The following ITGA7 variants were observed in gnomAD, a reference collection of about 807,000 sequenced individuals.
ITGA7 encodes the protein integrin subunit alpha 7.
In ITGA7, 84 loss-of-function variants were observed where a neutral mutation model predicts 131.6. That is an observed-to-expected ratio of 0.64 (90% CI 0.54 to 0.77). The LOEUF (loss-of-function observed/expected upper bound fraction) is 0.77. Ranked by LOEUF, ITGA7 falls within the 30% of genes least tolerant of loss-of-function variation. The probability of loss-of-function intolerance (pLI) is 0.00; values close to 1 mark genes in which losing one functional copy is unlikely to be tolerated. For missense variants in ITGA7, 1,399 were observed against 1,482.9 expected (o/e 0.94, Z 0.93); for synonymous variants, 548 against 600.7 (o/e 0.91, Z 1.28).
chr12:55,697,925 C>G lies in ITGA7; in HGVS notation c.1281+13G>C. 6.2e-7 allele frequency: 1 copy of G among 1,614,088 alleles called. No individual in the cohort carries two copies. Among genetic ancestry groups the G allele is most frequent in the Non-Finnish European group, 8.5e-7 (1 of 1,180,000 alleles). Reference sequence around the variant, plus strand: ...ACCCACACCCATTCCCTCATCCCAGCGACTCCCCTCACCTGTGAAGGTTTG... The same window carrying G: ...ACCCACACCCATTCCCTCATCCCAGGGACTCCCCTCACCTGTGAAGGTTTG... On this transcript the variant is annotated intron_variant, in intron 8 of 24. Coordinates refer to ENST00000257879, the MANE Select transcript of ITGA7 (RefSeq NM_002206.3).
rs1223418783 is a variant in ITGA7 at position 55,693,333 on chromosome 12, A to G, written c.2536-16T>C. 4 of 1,600,468 alleles carry G rather than the reference A, an allele frequency of 2.5e-6. 1 individual carries two copies. The South Asian group carries it at 4.4e-5, about 18-fold the overall frequency. On this transcript the variant is annotated splice_polypyrimidine_tract_variant and intron_variant, in intron 19 of 24. Transcript: ENST00000257879. ...GGTTGGAAACCTGTGGGAAAAAGAG[A>G]GTATGAGGGGAGAGACCTCAGTTTT...
At position 55,685,574 on chromosome 12, in the gene ITGA7, A is replaced by T. The variant is rs11171657; in HGVS notation, c.3184-286T>A. On this transcript the variant is annotated intron_variant, in intron 24 of 24. Transcript: ENST00000257879. ...AGGGCCTTGAGGGTGGAGCATCAGG[A>T]CCGGACTCAAGATTTGTACCCCCTC... 0.49 allele frequency among the ~76,000 whole-genome samples: 74,326 copies of T among 151,966 alleles called. 19,873 individuals carry two copies. The highest frequency in any genetic ancestry group is 0.94 in the East Asian group (4,811 of 5,138).
Position 55,687,998 on chromosome 12 carries a change from T to C in ITGA7, c.3156A>G (p.Leu1052=). The C allele has an allele frequency of 6.2e-7, 1 of 1,614,094 alleles. No individual in the cohort carries two copies. Among genetic ancestry groups the C allele is most frequent in the African/African-American group, 1.3e-5 (1 of 75,008 alleles). ...LLAVLAGLLV[L]ALLVLLLWKM... Reference sequence around the variant, plus strand: ...TCCACAGGAGCAGCACCAGCAGTGCTAGCACCAGCAGCCCAGCCAGTACAG... The same window carrying C: ...TCCACAGGAGCAGCACCAGCAGTGCCAGCACCAGCAGCCCAGCCAGTACAG... Residue 1052 remains leucine, a synonymous_variant, in exon 24 of 25, where the codon CTA becomes CTG. Coordinates refer to ENST00000257879, the MANE Select transcript of ITGA7 (RefSeq NM_002206.3).
At chr12:55,707,377 G>A (rs1875423566) in intron 1 of ITGA7, 100 bp downstream of exon 1, 1 of 968,746 alleles carries the variant, frequency 1.0e-6, no homozygotes, top group African/African-American at 1.6e-5. Context: ...TCTAGGTCTT[G>A]GTGGGGCTAG....
chr12:55,695,834 C>A (rs1047867420), intron 13 of ITGA7, among the ~76,000 whole-genome samples, 197 bp from the exon 14 acceptor site: 1 of 151,998 alleles, frequency 6.6e-6, no homozygotes, highest in African/African-American at 2.4e-5. Flanking sequence ...GTGATGGGAG[C>A]ACTACCATGC....
intron 14 of ITGA7, chr12:55,695,171 A>G (rs997208789): frequency 8.2e-6 from 5 of 612,774 alleles, no homozygotes; most frequent in Middle Eastern, 4.2e-4. Flanking sequence ...CAGCTCCACC[A>G]TTACTTACCT....
chr12:55,699,313 G>A (rs1353416631), intron 5 of ITGA7, among the ~76,000 whole-genome samples: 1 of 152,140 alleles, frequency 6.6e-6, no homozygotes, highest in Non-Finnish European at 1.5e-5. Context: ...AGAGCTAGAG[G>A]TCCCTCTCAG....
At chr12:55,704,935 G>T (rs1874857763) in intron 1 of ITGA7, among the ~76,000 whole-genome samples, 1 of 152,204 alleles carries the variant, frequency 6.6e-6, no homozygotes, top group African/African-American at 2.4e-5. Flanking sequence ...AAACATAGAA[G>T]TGGCCATCTC....
intron 24 of ITGA7, among the ~76,000 whole-genome samples, chr12:55,686,662 C>G (rs1436759808): frequency 6.6e-6 from 1 of 152,176 alleles, no homozygotes; most frequent in African/African-American, 2.4e-5. Context: ...GCATATGACC[C>G]CGGTGATGTA....
chr12:55,692,707 C>T (rs922052799), intron 21 of ITGA7, 137 bp downstream of exon 21: 12 of 1,159,438 alleles, frequency 1.0e-5, no homozygotes, highest in Middle Eastern at 2.8e-4. Context: ...AGCTGCCTCC[C>T]GGGCACCCCC....
intron 12 of ITGA7, 113 bp downstream of exon 12, chr12:55,696,786 C>A: frequency 8.2e-7 from 1 of 1,215,700 alleles, no homozygotes. Flanking sequence ...TCCCACGTGT[C>A]TAGGTCTTAG....
intron 14 of ITGA7, 51 bp downstream of exon 14, chr12:55,695,471 A>G: frequency 8.4e-7 from 1 of 1,190,792 alleles, no homozygotes. Context: ...CTTTCTCTCA[A>G]TCCTTGAACT....
chr12:55,688,987 C>T, intron 21 of ITGA7, 30 bp from the exon 22 acceptor site: 1 of 1,568,174 alleles, frequency 6.4e-7, no homozygotes, highest in Non-Finnish European at 8.8e-7. Flanking sequence ...GGGGTCTAAG[C>T]CACTCAGCTC....
chr12:55,700,694 T>C lies in ITGA7; in HGVS notation c.670+205A>G, dbSNP rs1015824431. 1.5e-5 allele frequency: 11 copies of C among 712,402 alleles called. No individual in the cohort carries two copies. In the African/African-American group the frequency reaches 1.6e-4, roughly 10 times the overall value. 44.1% of individuals were successfully genotyped at this position (712,402 alleles called of 1,614,324 possible). ...TGCACTTGGGGCCCATGCCAGCATGTTGAGGAACACTTGGCCGTGCGAGGG... is the reference window on the plus strand; with the variant it reads ...TGCACTTGGGGCCCATGCCAGCATGCTGAGGAACACTTGGCCGTGCGAGGG... On this transcript the variant is annotated intron_variant, in intron 4 of 24. Coordinates refer to ENST00000257879, the MANE Select transcript of ITGA7 (RefSeq NM_002206.3).
upstream of ITGA7, among the ~76,000 whole-genome samples, chr12:55,713,707 T>C (rs770675795): frequency 2.0e-5 from 3 of 152,252 alleles, no homozygotes; most frequent in South Asian, 2.1e-4. Context: ...ATCTAACGTT[T>C]TTATTAGAAT....
rs1382822280 is a variant in ITGA7, at chr12:55,701,159, G to A, written c.415-5C>T. The A allele has an allele frequency of 7.4e-6, 12 of 1,614,064 alleles. No homozygotes were observed. The highest frequency in any genetic ancestry group is 4.0e-5 in the African/African-American group (3 of 74,946). On this transcript the variant is annotated splice_region_variant and splice_polypyrimidine_tract_variant and intron_variant, in intron 3 of 24. Coordinates refer to ENST00000257879, the MANE Select transcript of ITGA7 (RefSeq NM_002206.3). The stretch of plus-strand genomic sequence containing the variant: ...CTCATATCGGTGTGCACAGGTCTGG[G>A]GGAGGAAGGGATGGGGATCATTTCA...
chr12:55,688,455 T>C (rs1408888294), intron 22 of ITGA7, among the ~76,000 whole-genome samples, 155 bp from the exon 23 acceptor site: 1 of 152,182 alleles, frequency 6.6e-6, no homozygotes, highest in Admixed American at 6.5e-5. Context: ...CTGGGCACAG[T>C]GGCTCACACC....
At chr12:55,696,854 G>C in intron 12 of ITGA7, 45 bp downstream of exon 12, 1 of 1,605,780 alleles carries the variant, frequency 6.2e-7, no homozygotes, top group Non-Finnish European at 8.5e-7. Flanking sequence ...GAAAAGAGAT[G>C]GAGCCATGAA....
chr12:55,692,973 A>G lies in ITGA7; in HGVS notation c.2715T>C (p.Asp905=), dbSNP rs1425822977. The change falls in exon 21 of 25, where the codon GAT becomes GAC. Residue 905 remains aspartate (D), a splice_region_variant and synonymous_variant. Coordinates refer to ENST00000257879, the MANE Select transcript of ITGA7 (RefSeq NM_002206.3). ...GCCGCCTCCTATCCCTACTGTCCAC[A>G]TCCTGGACACGGAAGGGGGGTCTTA... The part of the protein sequence containing the change: ...CSPRPNILHL[D]VDSRDRRRRE... 6.2e-7 allele frequency: 1 copy of G among 1,613,772 alleles called. No homozygotes were observed. Among genetic ancestry groups the G allele is most frequent in the Non-Finnish European group, 8.5e-7 (1 of 1,180,004 alleles).
Sources: gnomAD v4.1 joint callset for allele counts (sites outside exome capture counted in the v4.1 genomes callset) on GRCh38, gnomAD v4.1.1 for gene constraint, MANE v1.5 for transcripts, NCBI Gene and HGNC (gene_info 2026-07-23, HGNC 2026-07-21) for gene names.